Variants in LASP1 observed in about 807,000 individuals in gnomAD.
LASP1 encodes LIM and SH3 protein 1, also known as LIM and SH3 domain protein 1.
In LASP1, 10 loss-of-function variants were observed where a neutral mutation model predicts 38.6. The observed-to-expected ratio is 0.26, with a 90% CI of 0.16 to 0.44. LASP1 has a LOEUF of 0.44. Among genes scored for constraint, LASP1 ranks in the 20% least tolerant of loss-of-function variants. LASP1 has a pLI of 1.00. For missense variants in LASP1, 243 were observed against 375.7 expected (o/e 0.65, Z 2.92); for synonymous variants, 132 against 140.8 (o/e 0.94, Z 0.44).
intron 4 of LASP1, among the ~76,000 whole-genome samples, chr17:38,911,785 G>GT (rs982620381): frequency 7.4e-6 from 1 of 134,622 alleles, no homozygotes; most frequent in African/African-American, 2.7e-5. Flanking sequence ...TTTATGACTT[G>GT]TCTTTTTTTT....
intron 2 of LASP1, among the ~76,000 whole-genome samples, chr17:38,884,000 C>T (rs1397603416): frequency 6.6e-6 from 1 of 151,230 alleles, no homozygotes; most frequent in African/African-American, 2.4e-5. Context: ...GCAGCTCTTT[C>T]TAGAGGCAGG....
intron 1 of LASP1, among the ~76,000 whole-genome samples, chr17:38,870,884 A>G (rs1281040962): frequency 6.6e-6 from 1 of 151,966 alleles, no homozygotes; most frequent in African/African-American, 2.4e-5. Flanking sequence ...TCGTTAAAGG[A>G]CTCGCAGACC....
At chr17:38,879,932 G>C (rs749777378) in intron 2 of LASP1, among the ~76,000 whole-genome samples, 1 of 152,176 alleles carries the variant, frequency 6.6e-6, no homozygotes, top group African/African-American at 2.4e-5. Flanking sequence ...GGTAAAGGAA[G>C]GGTTGCAGCT....
chr17:38,883,370 C>T (rs563832940), intron 2 of LASP1, among the ~76,000 whole-genome samples: 15 of 152,228 alleles, frequency 9.9e-5, no homozygotes, highest in Admixed American at 7.9e-4. Flanking sequence ...CAGAGGGACA[C>T]TCTGTCTCTA....
Position 38,918,681 on chromosome 17 carries a change from T to G in LASP1, c.689T>G (p.Val230Gly). The change falls in exon 7 of 7, where the codon GTC becomes GGC. Residue 230 changes from valine (V) to glycine (G), a missense_variant. Val to Gly is a moderately radical substitution (Grantham distance 109). Transcript: ENST00000318008. This position sits in a 1 kb window ranked among gnomAD's most constrained non-coding sequence, Gnocchi z 4.4. The stretch of plus-strand genomic sequence containing the variant: ...TCCTTCCAGGACGGGGACACCATCG[T>G]CAACGTGCAGCAGATCGACGACGGC... ...EVSFQDGDTI[V>G]NVQQIDDGWM... The G allele has an allele frequency of 6.2e-7, 1 of 1,613,936 alleles. No individual in the cohort carries two copies. Among genetic ancestry groups the G allele is most frequent in the Non-Finnish European group, 8.5e-7 (1 of 1,179,880 alleles).
intron 2 of LASP1, among the ~76,000 whole-genome samples, chr17:38,881,212 G>A (rs556232945): frequency 3.3e-5 from 5 of 152,258 alleles, no homozygotes; most frequent in South Asian, 2.1e-4. Context: ...ACGCTAGGCC[G>A]AGTGTTTGCT....
chr17:38,870,068 C>A lies in LASP1; in HGVS notation c.-122C>A. 9.5e-7 allele frequency: 1 copy of A among 1,058,014 alleles called. No homozygotes were observed. Among genetic ancestry groups the A allele is most frequent in the Non-Finnish European group, 1.4e-6 (1 of 707,342 alleles). The allele number at this position is 1,058,014 out of a possible 1,614,324, so 65.5% of individuals were successfully genotyped here. On this transcript the variant is annotated 5_prime_UTR_variant, in exon 1 of 7. Transcript: ENST00000318008. ...AGGGCGGAGGCGGAGGCCAGTTCCC[C>A]AGCTCCAGCCGCCGTCGCTGCTGCC... is the stretch of plus-strand genomic sequence containing the variant.
At position 38,920,079 on chromosome 17, in the gene LASP1, G is replaced by A. The variant is rs1303152984; in HGVS notation, c.*1301G>A. 1.9e-6 allele frequency: 1 copy of A among 536,890 alleles called. No individual in the cohort carries two copies. Among genetic ancestry groups the A allele is most frequent in the Non-Finnish European group, 3.6e-6 (1 of 276,752 alleles). 33.3% of individuals were successfully genotyped at this position (536,890 alleles called of 1,614,324 possible). Reference sequence around the variant, plus strand: ...TCCTCCTTCCCCCCATCTCTGAGTGGAGGAAGCCCACCAATCTGCCCTTTG... The same window carrying A: ...TCCTCCTTCCCCCCATCTCTGAGTGAAGGAAGCCCACCAATCTGCCCTTTG... On this transcript the variant is annotated 3_prime_UTR_variant, in exon 7 of 7. Transcript: ENST00000318008.
intron 4 of LASP1, among the ~76,000 whole-genome samples, chr17:38,905,530 C>CAAA (rs35515925): frequency 0.19 from 17,691 of 92,776 alleles, 1,577 homozygotes; most frequent in Non-Finnish European, 0.24. Flanking sequence ...GACTCCATCT[C>CAAA]AAAAAAAAAA....
At position 38,890,577 on chromosome 17, in the gene LASP1, G is replaced by T. The variant is rs1163883280; in HGVS notation, c.249+73G>T. ...AGGGAAGTTGTAAGGTCGGCATTTG[G>T]CAAGAGTACCTTCCCCTGCGGTTAC... On this transcript the variant is annotated intron_variant, in intron 3 of 6. Transcript: ENST00000318008. The T allele has an allele frequency of 5.1e-6, 7 of 1,360,802 alleles. No homozygotes were observed. The East Asian group carries it at 1.6e-4, about 31-fold the overall frequency. The allele number at this position is 1,360,802 out of a possible 1,614,324, so 84.3% of individuals were successfully genotyped here.
At position 38,918,209 on chromosome 17, in the gene LASP1, G is replaced by A. The variant is rs1915188655; in HGVS notation, c.613-396G>A. Among the ~76,000 whole-genome samples the A allele has an allele frequency of 6.6e-6, 1 of 151,966 alleles. No homozygotes were observed. Among genetic ancestry groups the A allele is most frequent in the Non-Finnish European group, 1.5e-5 (1 of 68,012 alleles). ...TCCCAGGCTGATTTCAAACTTCTGG[G>A]CTCAAGCAGTTCTCCTGCCTTGGCC... On this transcript the variant is annotated intron_variant, in intron 6 of 6. Transcript: ENST00000318008. This position sits in a 1 kb window ranked among gnomAD's most constrained non-coding sequence, Gnocchi z 4.4.
chr17:38,879,809 T>C (rs1913890193), intron 2 of LASP1, among the ~76,000 whole-genome samples: 1 of 152,046 alleles, frequency 6.6e-6, no homozygotes, highest in Admixed American at 6.6e-5. Context: ...CTATAATACA[T>C]ACTAACCTGC....
chr17:38,871,097 A>T (rs1598100948), intron 1 of LASP1, among the ~76,000 whole-genome samples: 1 of 44,602 alleles, frequency 2.2e-5, no homozygotes, highest in Non-Finnish European at 4.4e-5. Flanking sequence ...TCTCCAATGG[A>T]GGGTGGGGTT....
chr17:38,870,765 G>A (rs1020409473), intron 1 of LASP1, among the ~76,000 whole-genome samples: 11 of 152,166 alleles, frequency 7.2e-5, no homozygotes, highest in Admixed American at 6.5e-5. Context: ...CGGGGCGGGG[G>A]CTATCAGCCT....
Position 38,899,014 on chromosome 17 carries a change from C to G in LASP1, c.357+495C>G. 3 of 346,712 alleles carry G rather than the reference C, an allele frequency of 8.7e-6. No homozygotes were observed. The East Asian group carries it at 2.3e-4, about 26-fold the overall frequency. The allele number at this position is 346,712 out of a possible 1,614,324, so 21.5% of individuals were successfully genotyped here. ...CAGCTTCACCCGCCAGCCCTGCACCCCCTGGCTCACACCCCCCGCCTCCCT... is the reference window on the plus strand; with the variant it reads ...CAGCTTCACCCGCCAGCCCTGCACCGCCTGGCTCACACCCCCCGCCTCCCT... On this transcript the variant is annotated intron_variant, in intron 4 of 6. Transcript: ENST00000318008.
chr17:38,898,854 G>A (rs2143790668), intron 4 of LASP1: 2 of 429,166 alleles, frequency 4.7e-6, no homozygotes, highest in East Asian at 6.5e-5. Flanking sequence ...TAGCACAAAG[G>A]TCAAAACTGG....
chr17:38,909,040 C>A (rs1914852134), intron 4 of LASP1, among the ~76,000 whole-genome samples: 1 of 152,188 alleles, frequency 6.6e-6, no homozygotes, highest in African/African-American at 2.4e-5. Context: ...AAAGGCAGGC[C>A]AGCATTCTAG....
chr17:38,901,134 A>G (rs1567701385), intron 4 of LASP1, among the ~76,000 whole-genome samples: 2 of 152,072 alleles, frequency 1.3e-5, no homozygotes, highest in Non-Finnish European at 1.5e-5. Flanking sequence ...CTGTTCACTC[A>G]TTGCTTCACC....
At chr17:38,891,148 C>A (rs1914308132) in intron 3 of LASP1, among the ~76,000 whole-genome samples, 1 of 151,252 alleles carries the variant, frequency 6.6e-6, no homozygotes, top group South Asian at 2.1e-4. Context: ...GCTGACCCAC[C>A]CTGCCTGGGG....
Sources: allele counts gnomAD v4.1 joint callset (sites outside exome capture counted in the v4.1 genomes callset), GRCh38; gene constraint gnomAD v4.1.1; non-coding constraint Gnocchi (gnomAD v3.1); transcripts MANE v1.5; gene names NCBI Gene and HGNC (gene_info 2026-07-23, HGNC 2026-07-21).